Variants in PLCB1 observed in about 807,000 individuals in gnomAD.
PLCB1 encodes the protein phospholipase C beta 1.
In PLCB1, 46 loss-of-function variants were observed where a neutral mutation model predicts 161.8. That is an observed-to-expected ratio of 0.28 (90% confidence interval 0.22 to 0.36). The LOEUF (loss-of-function observed/expected upper bound fraction) is 0.36, where lower values mean the gene tolerates loss of function less well. Among genes scored for constraint, PLCB1 ranks in the 10% least tolerant of loss-of-function variants. PLCB1 has a pLI of 1.00. For synonymous variants in PLCB1, 517 were observed against 503.7 expected (o/e 1.03, Z -0.35); for missense variants, 1,016 against 1,472.5 (o/e 0.69, Z 5.07).
rs1174655496 is a variant in PLCB1 at position 8,662,084 on chromosome 20, T to C, written c.862+3380T>C. 3.8e-3 allele frequency among the ~76,000 whole-genome samples: 3 copies of C among 790 alleles called. 1 individual carries two copies. Among genetic ancestry groups the C allele is most frequent in the African/African-American group, 9.4e-3 (3 of 320 alleles). 0.5% of individuals were successfully genotyped at this position (790 alleles called of 152,430 possible). A position where few individuals can be genotyped will look rare whatever the true frequency, so the allele number is the denominator to read the frequency against. ...ATTTATTATATTTATTATACAGTTATATAATAAATAATTATATAATTATAT... is the reference window on the plus strand; with the variant it reads ...ATTTATTATATTTATTATACAGTTACATAATAAATAATTATATAATTATAT... On this transcript the variant is annotated intron_variant, in intron 9 of 31. Transcript: ENST00000338037.
At chr20:8,857,780 A>G (rs756772985) in intron 31 of PLCB1, among the ~76,000 whole-genome samples, 4 of 152,194 alleles carry the variant, frequency 2.6e-5, no homozygotes, top group African/African-American at 7.2e-5. Context: ...TGATATCTCA[A>G]TGTGGTCTAG....
chr20:8,483,809 T>C (rs948239371), intron 3 of PLCB1, among the ~76,000 whole-genome samples: 2 of 152,204 alleles, frequency 1.3e-5, no homozygotes, highest in East Asian at 3.8e-4. Flanking sequence ...GCTTGCTTCA[T>C]TTCATAATGG....
intron 10 of PLCB1, 28 bp from the exon 11 acceptor site, chr20:8,697,598 T>A: frequency 6.2e-7 from 1 of 1,612,736 alleles, no homozygotes. Context: ...CATGGGAATC[T>A]GGGGTTTGTT....
At chr20:8,453,126 C>T (rs8117270) in intron 3 of PLCB1, among the ~76,000 whole-genome samples, 3,784 of 152,262 alleles carry the variant, frequency 0.025, 89 homozygotes, top group African/African-American at 0.064. Flanking sequence ...TTTCTGGCAT[C>T]GCATCCTTCC....
intron 3 of PLCB1, among the ~76,000 whole-genome samples, chr20:8,454,935 T>G (rs1384661163): frequency 6.6e-6 from 1 of 152,206 alleles, no homozygotes; most frequent in East Asian, 1.9e-4. Flanking sequence ...TTGAACGTGG[T>G]CTGGTATACA....
chr20:8,349,033 C>T (rs954680977), intron 2 of PLCB1, among the ~76,000 whole-genome samples: 2 of 151,814 alleles, frequency 1.3e-5, no homozygotes, highest in Non-Finnish European at 2.9e-5. Context: ...CATATATATA[C>T]ACACACACAT....
At chr20:8,837,783 G>A (rs886253601) in intron 31 of PLCB1, among the ~76,000 whole-genome samples, 2 of 152,174 alleles carry the variant, frequency 1.3e-5, no homozygotes, top group African/African-American at 4.8e-5. Context: ...CTACTCTGTA[G>A]GCCAGAACTT....
intron 3 of PLCB1, among the ~76,000 whole-genome samples, chr20:8,377,071 A>G (rs1167922375): frequency 2.0e-5 from 3 of 152,198 alleles, no homozygotes. Context: ...GGCAATACAC[A>G]CCATGTCCAG....
At chr20:8,445,466 G>C (rs1220582151) in intron 3 of PLCB1, among the ~76,000 whole-genome samples, 2 of 151,722 alleles carry the variant, frequency 1.3e-5, no homozygotes, top group Non-Finnish European at 1.5e-5. Context: ...AGTATAGTTT[G>C]AAGTCAGGTA....
At chr20:8,194,671 G>A (rs1419103827) in intron 2 of PLCB1, among the ~76,000 whole-genome samples, 1 of 152,024 alleles carries the variant, frequency 6.6e-6, no homozygotes, top group African/African-American at 2.4e-5. Flanking sequence ...TGCTAACATG[G>A]TGGTAGGGAG....
chr20:8,879,160 A>G (rs765904510), intron 31 of PLCB1, among the ~76,000 whole-genome samples: 41 of 152,240 alleles, frequency 2.7e-4, no homozygotes, highest in Non-Finnish European at 4.1e-4. Flanking sequence ...ATGGCTGCCT[A>G]CTATTCCACA....
chr20:8,344,492 C>T (rs1985923480), intron 2 of PLCB1, among the ~76,000 whole-genome samples: 2 of 152,230 alleles, frequency 1.3e-5, no homozygotes, highest in Non-Finnish European at 2.9e-5. Flanking sequence ...TGTACATCCA[C>T]ATCCTTTATT....
At chr20:8,683,799 T>C (rs895340866) in intron 9 of PLCB1, among the ~76,000 whole-genome samples, 1 of 152,212 alleles carries the variant, frequency 6.6e-6, no homozygotes, top group Non-Finnish European at 1.5e-5. Flanking sequence ...TCTTTTTTCA[T>C]GAGCATTCAA....
intron 22 of PLCB1, 42 bp from the exon 23 acceptor site, chr20:8,741,422 A>G (rs781204750): frequency 8.9e-6 from 12 of 1,352,088 alleles, no homozygotes; most frequent in African/African-American, 1.4e-5. Context: ...GATAATCAAT[A>G]CTTCCAGGAC....
chr20:8,538,496 A>T (rs186363740), intron 3 of PLCB1, among the ~76,000 whole-genome samples: 1 of 152,178 alleles, frequency 6.6e-6, no homozygotes, highest in African/African-American at 2.4e-5. Flanking sequence ...ACCACAGGTT[A>T]TGCCACACCT....
chr20:8,391,832 C>T (rs899418508), intron 3 of PLCB1, among the ~76,000 whole-genome samples: 84 of 129,916 alleles, frequency 6.5e-4, no homozygotes, highest in Non-Finnish European at 9.0e-4. Flanking sequence ...TATACACACA[C>T]ATATATATAT....
chr20:8,431,762 G>A (rs192076553), intron 3 of PLCB1, among the ~76,000 whole-genome samples: 9 of 152,294 alleles, frequency 5.9e-5, no homozygotes, highest in Admixed American at 5.9e-4. Context: ...TGGGGTCTGA[G>A]TTTTTATGTG....
At chr20:8,419,215 T>C (rs1328582612) in intron 3 of PLCB1, among the ~76,000 whole-genome samples, 1 of 152,224 alleles carries the variant, frequency 6.6e-6, no homozygotes, top group African/African-American at 2.4e-5. Flanking sequence ...ATTAAACATG[T>C]GACTCTGAAC....
rs369619317 is a variant in PLCB1 at position 8,611,412 on chromosome 20, A to T, written c.247-16882A>T. Among the ~76,000 whole-genome samples the T allele has an allele frequency of 2.0e-5, 3 of 152,164 alleles. No individual in the cohort carries two copies. In the East Asian group the frequency reaches 5.8e-4, roughly 29 times the overall value. On this transcript the variant is annotated intron_variant, in intron 3 of 31. Coordinates refer to ENST00000338037, the MANE Select transcript of PLCB1 (RefSeq NM_015192.4). ...GACATCAGTAATTGTTAATAAAGGG[A>T]TCACCAAAAAAGGCTTCACTATAGT...
Sources: allele counts gnomAD v4.1 joint callset (sites outside exome capture counted in the v4.1 genomes callset), GRCh38; gene constraint gnomAD v4.1.1; transcripts MANE v1.5; gene names NCBI Gene and HGNC (gene_info 2026-07-23, HGNC 2026-07-21).